Variants in DAPK2 observed in about 807,000 individuals in gnomAD.
DAPK2 encodes the protein death-associated protein kinase 2.
Under a neutral mutation model 44.1 loss-of-function variants are expected in DAPK2, and 35 were observed. That is an observed-to-expected ratio of 0.79 (90% confidence interval 0.61 to 1.05). The LOEUF (loss-of-function observed/expected upper bound fraction) is 1.05, where lower values mean the gene tolerates loss of function less well. Among genes scored for constraint, DAPK2 ranks in the 50% least tolerant of loss-of-function variants. The pLI, the probability that DAPK2 is intolerant of heterozygous loss-of-function variation, is 0.00. For synonymous variants in DAPK2, 174 were observed against 182.6 expected (o/e 0.95, Z 0.38); for missense variants, 453 against 483.2 (o/e 0.94, Z 0.59).
rs1461246928 is a variant in DAPK2 at position 63,908,874 on chromosome 15, C to T, written c.1033-274G>A. The T allele has an allele frequency of 8.0e-6, 2 of 250,908 alleles. No homozygotes were observed. The highest frequency in any genetic ancestry group is 1.5e-5 in the Non-Finnish European group (2 of 131,334). The allele number at this position is 250,908 out of a possible 1,614,324, so 15.5% of individuals were successfully genotyped here. A position where few individuals can be genotyped will look rare whatever the true frequency, so the allele number is the denominator to read the frequency against. On this transcript the variant is annotated intron_variant, in intron 10 of 10. Transcript: ENST00000261891. This position sits in a 1 kb window ranked among gnomAD's most constrained non-coding sequence, Gnocchi z 5.7. ...GGCCAAATTATAATAAAGAAAATTA[C>T]ATCTAGTTCCCTTTGTGGCTGCCAT...
chr15:63,956,177 G>C (rs541645539), intron 3 of DAPK2, among the ~76,000 whole-genome samples: 1 of 152,064 alleles, frequency 6.6e-6, no homozygotes, highest in South Asian at 2.1e-4. Context: ...ATTTATTTGG[G>C]TCTTTTTTCC....
chr15:63,931,385 A>G (rs1400666006), intron 4 of DAPK2, among the ~76,000 whole-genome samples: 1 of 152,228 alleles, frequency 6.6e-6, no homozygotes, highest in African/African-American at 2.4e-5. Context: ...AACACCTGAA[A>G]AAGGAAGAGA....
Position 63,980,486 on chromosome 15 carries a change from T to A in DAPK2, c.314+3047A>T, listed in dbSNP as rs372296088. Among the ~76,000 whole-genome samples the A allele has an allele frequency of 2.6e-4, 39 of 152,310 alleles. 1 individual carries two copies. The South Asian group carries it at 7.3e-3, about 28-fold the overall frequency. On this transcript the variant is annotated intron_variant, in intron 2 of 10. Transcript: ENST00000261891. The surrounding 1 kb of genome is among the most constrained non-coding windows in gnomAD (Gnocchi z 4.3). ...CAACACTCCTACGTTGTGGTAGTAATGGTTAACCAGCACCATCTTTGAAAA... is the reference window on the plus strand; with the variant it reads ...CAACACTCCTACGTTGTGGTAGTAAAGGTTAACCAGCACCATCTTTGAAAA...
At chr15:63,979,547 A>G (rs558030308) in intron 2 of DAPK2, among the ~76,000 whole-genome samples, 1 of 152,174 alleles carries the variant, frequency 6.6e-6, no homozygotes, top group Non-Finnish European at 1.5e-5. Flanking sequence ...CCACTAACCT[A>G]TTAGGGCCCA....
intron 3 of DAPK2, among the ~76,000 whole-genome samples, chr15:63,944,246 C>T (rs1272715656): frequency 6.6e-6 from 1 of 152,154 alleles, no homozygotes; most frequent in African/African-American, 2.4e-5. Context: ...GTTCTCGTCC[C>T]TACCTTCACC....
At chr15:64,045,486 C>T (rs1369536877) in intron 1 of DAPK2, among the ~76,000 whole-genome samples, 1 of 152,194 alleles carries the variant, frequency 6.6e-6, no homozygotes, top group Non-Finnish European at 1.5e-5. Flanking sequence ...ATGTCAGGCG[C>T]TGTCCCTGCA....
intron 1 of DAPK2, among the ~76,000 whole-genome samples, chr15:64,024,182 C>T (rs2079769234): frequency 1.3e-5 from 2 of 152,154 alleles, no homozygotes; most frequent in South Asian, 4.1e-4. Flanking sequence ...AACCCCAAGC[C>T]TTAGGTGAAA....
chr15:63,994,509 C>T (rs1489564683), intron 1 of DAPK2, among the ~76,000 whole-genome samples: 2 of 151,660 alleles, frequency 1.3e-5, no homozygotes, highest in Non-Finnish European at 2.9e-5. Context: ...TTAGTCCCAC[C>T]TTTCTAAGAT....
chr15:64,004,956 T>C, intron 1 of DAPK2, among the ~76,000 whole-genome samples: 1 of 152,040 alleles, frequency 6.6e-6, no homozygotes, highest in East Asian at 1.9e-4. Flanking sequence ...GAGATGAAGG[T>C]TTTCATGAGC....
intron 1 of DAPK2, among the ~76,000 whole-genome samples, chr15:63,992,695 C>A (rs944105620): frequency 2.0e-5 from 3 of 152,198 alleles, no homozygotes; most frequent in Admixed American, 6.5e-5. Flanking sequence ...GGAAGCTGAA[C>A]CTGCCCTTTC....
At chr15:63,944,226 C>T (rs2077391985) in intron 3 of DAPK2, among the ~76,000 whole-genome samples, 1 of 152,156 alleles carries the variant, frequency 6.6e-6, no homozygotes, top group Non-Finnish European at 1.5e-5. Flanking sequence ...GTTGGGTCGT[C>T]AGGACCCAGG....
chr15:63,980,239 C>T lies in DAPK2; in HGVS notation c.314+3294G>A, dbSNP rs1337834255. Among the ~76,000 whole-genome samples, 1 of 152,116 alleles carries T rather than the reference C, an allele frequency of 6.6e-6. No homozygotes were observed. Among genetic ancestry groups the T allele is most frequent in the Admixed American group, 6.5e-5 (1 of 15,274 alleles). On this transcript the variant is annotated intron_variant, in intron 2 of 10. Coordinates refer to ENST00000261891, the Ensembl canonical transcript of DAPK2. This position sits in a 1 kb window ranked among gnomAD's most constrained non-coding sequence, Gnocchi z 4.3. ...GGCACATAACTGGCTGACCATGAGCCCTGTTGGGAAAAACACAGACATCTC... is the reference window on the plus strand; with the variant it reads ...GGCACATAACTGGCTGACCATGAGCTCTGTTGGGAAAAACACAGACATCTC...
At chr15:63,952,557 G>A (rs746503636) in intron 3 of DAPK2, among the ~76,000 whole-genome samples, 8 of 152,266 alleles carry the variant, frequency 5.3e-5, no homozygotes, top group East Asian at 1.9e-4. Context: ...AGAAAGGCCC[G>A]AGAATGTCAT....
rs1234804328 is a variant in DAPK2 at position 63,923,736 on chromosome 15, A to T, written c.858+1080T>A. Among the ~76,000 whole-genome samples the T allele has an allele frequency of 6.6e-6, 1 of 152,218 alleles. No individual in the cohort carries two copies. On this transcript the variant is annotated intron_variant, in intron 8 of 10. Coordinates refer to ENST00000261891, the Ensembl canonical transcript of DAPK2. This position sits in a 1 kb window ranked among gnomAD's most constrained non-coding sequence, Gnocchi z 4.2. ...CTTCAGGGCTCCTTGGGCCTTCCCC[A>T]TCCTTCAATGAGCTGATGAAGCTGA...
chr15:63,971,707 T>C, intron 2 of DAPK2, 146 bp from the exon 4 acceptor site: 2 of 872,036 alleles, frequency 2.3e-6, no homozygotes, highest in Non-Finnish European at 3.5e-6. Flanking sequence ...TGGGGCTTTG[T>C]CTGTCCAGTG....
chr15:64,029,338 A>C (rs2079944412), intron 1 of DAPK2, among the ~76,000 whole-genome samples: 1 of 152,086 alleles, frequency 6.6e-6, no homozygotes, highest in Non-Finnish European at 1.5e-5. Flanking sequence ...AGCCTCTGCC[A>C]CCCAGGGCCC....
intron 3 of DAPK2, among the ~76,000 whole-genome samples, chr15:63,968,745 T>C (rs16947599): frequency 0.43 from 64,700 of 152,024 alleles, 14,362 homozygotes; most frequent in Non-Finnish European, 0.48. Context: ...ACATGGTAAC[T>C]CAGCCTGGCT....
At chr15:64,003,677 C>T (rs566160504) in intron 1 of DAPK2, among the ~76,000 whole-genome samples, 1 of 152,338 alleles carries the variant, frequency 6.6e-6, no homozygotes, top group East Asian at 1.9e-4. Flanking sequence ...GCAATCTCAG[C>T]TCACTGCAAC....
chr15:63,964,512 T>A (rs2077997298), intron 3 of DAPK2, among the ~76,000 whole-genome samples: 1 of 152,180 alleles, frequency 6.6e-6, no homozygotes, highest in African/African-American at 2.4e-5. Context: ...CTTTGGGAAG[T>A]TCTGTTATTA....
Sources: allele counts gnomAD v4.1 joint callset (sites outside exome capture counted in the v4.1 genomes callset), GRCh38; gene constraint gnomAD v4.1.1; non-coding constraint Gnocchi (gnomAD v3.1); transcripts MANE v1.5; gene names NCBI Gene and HGNC (gene_info 2026-07-23, HGNC 2026-07-21).